PCDHGA4: variants seen among roughly 807,000 people sequenced by gnomAD.
PCDHGA4 encodes protocadherin gamma subfamily A, 4.
In PCDHGA4, 38 loss-of-function variants were observed where a neutral mutation model predicts 54.6. The observed-to-expected ratio is 0.70, with a 90% CI of 0.54 to 0.91. The LOEUF is 0.91. Ranked by LOEUF, PCDHGA4 falls within the 40% of genes least tolerant of loss-of-function variation. PCDHGA4 has a pLI of 0.00. For synonymous variants in PCDHGA4, 511 were observed against 512.9 expected (o/e 1.00, Z 0.05); for missense variants, 1,298 against 1,220.9 (o/e 1.06, Z -0.94).
At chr5:141,383,892 A>C (rs775731680) in intron 1 of PCDHGA4, 120 of 1,613,900 alleles carry the variant, frequency 7.4e-5, no homozygotes, top group Non-Finnish European at 9.4e-5. Flanking sequence ...TGACAAAGGC[A>C]AAAGTACTGA....
chr5:141,492,042 A>T, intron 1 of PCDHGA4: 1 of 519,520 alleles, frequency 1.9e-6, no homozygotes, highest in Non-Finnish European at 3.4e-6. Context: ...GCAGTCACAG[A>T]TCCACCCCTG....
chr5:141,384,742 G>A (rs1477575254), intron 1 of PCDHGA4: 1 of 1,613,976 alleles, frequency 6.2e-7, no homozygotes, highest in African/African-American at 1.3e-5. Flanking sequence ...CAGCGAGCCA[G>A]GACTCTTTGC....
Position 141,428,104 on chromosome 5 carries a change from T to C in PCDHGA4, c.2515-66703T>C, listed in dbSNP as rs751953406. ...AACGCTTGGCTGTCCTACCACGTGCTGCAGGCCATCGAGCCCGGGCTTTTC... is the reference window on the plus strand; with the variant it reads ...AACGCTTGGCTGTCCTACCACGTGCCGCAGGCCATCGAGCCCGGGCTTTTC... On this transcript the variant is annotated intron_variant, in intron 1 of 3. Coordinates refer to ENST00000571252, the MANE Select transcript of PCDHGA4 (RefSeq NM_018917.4). The C allele has an allele frequency of 1.9e-6, 3 of 1,608,398 alleles. No individual in the cohort carries two copies. The South Asian group carries it at 3.3e-5, about 18-fold the overall frequency.
At chr5:141,395,526 G>T in intron 1 of PCDHGA4, 4 of 357,898 alleles carry the variant, frequency 1.1e-5, no homozygotes, top group Admixed American at 4.6e-5. Context: ...GTCCATACTG[G>T]TAATTTTGCT....
chr5:141,408,230 C>G (rs1470965375), intron 1 of PCDHGA4: 1 of 1,566,168 alleles, frequency 6.4e-7, no homozygotes, highest in Non-Finnish European at 8.7e-7. Flanking sequence ...GCAGAGGCGC[C>G]GGGCCGGCCC....
In PCDHGA4 at chr5:141,486,017, A is replaced by G. The variant is rs746747518; in HGVS notation, c.2515-8790A>G. On this transcript the variant is annotated intron_variant, in intron 1 of 3. Transcript: ENST00000571252. The surrounding 1 kb of genome is among the most constrained non-coding windows in gnomAD (Gnocchi z 5.0). ...CAGTGGTAACGTCACCTTTTATTTC[A>G]GTGGTCATACCCCTGATCGTGTAAG... The G allele has an allele frequency of 6.2e-7, 1 of 1,614,176 alleles. No homozygotes were observed. The highest frequency in any genetic ancestry group is 1.7e-5 in the Admixed American group (1 of 60,026).
intron 1 of PCDHGA4, among the ~76,000 whole-genome samples, chr5:141,452,745 GGAA>G (rs2098748194): frequency 6.6e-6 from 1 of 152,054 alleles, no homozygotes; most frequent in Non-Finnish European, 1.5e-5. Flanking sequence ...AGAGAGAGAA[GGAA>G]GAAGGAAGGG....
chr5:141,380,674 T>G (rs1293551834), intron 1 of PCDHGA4, among the ~76,000 whole-genome samples: 1 of 152,262 alleles, frequency 6.6e-6, no homozygotes, highest in South Asian at 2.1e-4. Flanking sequence ...CCATAGGGTA[T>G]GTATGCTTTG....
Position 141,476,348 on chromosome 5 carries a change from G to C in PCDHGA4, c.2515-18459G>C, listed in dbSNP as rs764669470. Reference sequence around the variant, plus strand: ...GTCTGGAGCTAGCCGAAGATTCTTTGAGGTGAACCGGGAGACCGGAGAGAT... The same window carrying C: ...GTCTGGAGCTAGCCGAAGATTCTTTCAGGTGAACCGGGAGACCGGAGAGAT... On this transcript the variant is annotated intron_variant, in intron 1 of 3. Transcript: ENST00000571252. The surrounding 1 kb of genome is among the most constrained non-coding windows in gnomAD (Gnocchi z 7.6). 2 of 1,614,190 alleles carry C rather than the reference G, an allele frequency of 1.2e-6. No individual in the cohort carries two copies. The highest frequency in any genetic ancestry group is 2.2e-5 in the South Asian group (2 of 91,078).
chr5:141,376,002 A>G, intron 1 of PCDHGA4: 6 of 1,613,478 alleles, frequency 3.7e-6, no homozygotes, highest in Non-Finnish European at 5.1e-6. Flanking sequence ...GCGCTCAAGC[A>G]GAGCCTAGTG....
chr5:141,388,640 A>G (rs373553997), intron 1 of PCDHGA4: 3 of 1,613,844 alleles, frequency 1.9e-6, no homozygotes, highest in African/African-American at 2.7e-5. Context: ...TGAGCCTTTC[A>G]GAAAACGTGT....
chr5:141,359,272 C>A (rs1761162358), intron 1 of PCDHGA4, among the ~76,000 whole-genome samples: 1 of 151,958 alleles, frequency 6.6e-6, no homozygotes, highest in Non-Finnish European at 1.5e-5. Context: ...TTTGGAAATG[C>A]TCAATTGGTC....
chr5:141,374,114 A>G, intron 1 of PCDHGA4: 1 of 1,580,920 alleles, frequency 6.3e-7, no homozygotes, highest in Non-Finnish European at 8.6e-7. Flanking sequence ...TCCGCAGCGC[A>G]GCGAGCAGGT....
Position 141,420,299 on chromosome 5 carries a change from T to A in PCDHGA4, c.2514+62678T>A, listed in dbSNP as rs377297222. On this transcript the variant is annotated intron_variant, in intron 1 of 3. Coordinates refer to ENST00000571252, the MANE Select transcript of PCDHGA4 (RefSeq NM_018917.4). Reference sequence around the variant, plus strand: ...GGTAAGTATTTAAAAATGTATTTAATCCTTTTTATATTACAATATGCCAAT... The same window carrying A: ...GGTAAGTATTTAAAAATGTATTTAAACCTTTTTATATTACAATATGCCAAT... 6.8e-6 allele frequency: 10 copies of A among 1,465,980 alleles called. No homozygotes were observed. The African/African-American group carries it at 1.4e-4, about 21-fold the overall frequency. 90.8% of individuals were successfully genotyped at this position (1,465,980 alleles called of 1,614,324 possible). A position where few individuals can be genotyped will look rare whatever the true frequency, so the allele number is the denominator to read the frequency against.
Position 141,485,267 on chromosome 5 carries a change from C to T in PCDHGA4, c.2515-9540C>T, listed in dbSNP as rs767229426. On this transcript the variant is annotated intron_variant, in intron 1 of 3. Transcript: ENST00000571252. This position sits in a 1 kb window ranked among gnomAD's most constrained non-coding sequence, Gnocchi z 5.7. ...CCTGGGTTACGTTTGTGGGCAGATC[C>T]GCTACCCGGTCCCAGAGGAGTCACA... is the stretch of plus-strand genomic sequence containing the variant. 6.2e-7 allele frequency: 1 copy of T among 1,614,088 alleles called. No homozygotes were observed. Among genetic ancestry groups the T allele is most frequent in the South Asian group, 1.1e-5 (1 of 91,082 alleles).
intron 1 of PCDHGA4, chr5:141,361,044 A>G: frequency 6.2e-7 from 1 of 1,613,658 alleles, no homozygotes; most frequent in South Asian, 1.1e-5. Flanking sequence ...AAATCACGAC[A>G]AAGGATGATT....
chr5:141,413,446 G>A, intron 1 of PCDHGA4: 1 of 1,614,130 alleles, frequency 6.2e-7, no homozygotes. Context: ...CTTGATCACC[G>A]CGGGCAGGAT....
chr5:141,416,478 C>T (rs1186938693), intron 1 of PCDHGA4: 4 of 151,994 alleles, frequency 2.6e-5, no homozygotes, highest in Non-Finnish European at 4.4e-5. Context: ...TACATGTTCC[C>T]GAGAACAGGA....
At position 141,431,604 on chromosome 5, in the gene PCDHGA4, G is replaced by A; in HGVS notation, c.2515-63203G>A. On this transcript the variant is annotated intron_variant, in intron 1 of 3. Coordinates refer to ENST00000571252, the MANE Select transcript of PCDHGA4 (RefSeq NM_018917.4). The surrounding 1 kb of genome is among the most constrained non-coding windows in gnomAD (Gnocchi z 4.8). ...AATGCGGAAGTGAGGTATTCCTTCCGGTATGTGGACGACAAGGCGGCCCAA... is the reference window on the plus strand; with the variant it reads ...AATGCGGAAGTGAGGTATTCCTTCCAGTATGTGGACGACAAGGCGGCCCAA... 8 of 1,614,206 alleles carry A rather than the reference G, an allele frequency of 5.0e-6. No individual in the cohort carries two copies. Among genetic ancestry groups the A allele is most frequent in the Non-Finnish European group, 6.8e-6 (8 of 1,180,046 alleles).
Sources: gnomAD v4.1 joint callset for allele counts (sites outside exome capture counted in the v4.1 genomes callset) on GRCh38, gnomAD v4.1.1 for gene constraint, Gnocchi (gnomAD v3.1) non-coding constraint, MANE v1.5 for transcripts, NCBI Gene and HGNC (gene_info 2026-07-23, HGNC 2026-07-21) for gene names.